The following CASQ2 variants were observed in gnomAD, a reference collection of about 807,000 sequenced individuals.
CASQ2 encodes calsequestrin-2.
Under a neutral mutation model 46.5 loss-of-function variants are expected in CASQ2, and 49 were observed. The ratio of observed to expected loss-of-function variants is 1.05; its 90% CI spans 0.84 to 1.34. CASQ2 has a LOEUF of 1.34. Among genes scored for constraint, CASQ2 ranks in the 40% most tolerant of loss-of-function variants. CASQ2 has a pLI of 0.00. For synonymous variants in CASQ2, 174 were observed against 168.5 expected, an observed-to-expected ratio of 1.03 and a Z score of -0.25; for missense variants, 486 against 481.3, an observed-to-expected ratio of 1.01 and a Z score of -0.09.
chr1:115,711,349 C>T (rs1654537371), intron 8 of CASQ2, among the ~76,000 whole-genome samples: 1 of 152,170 alleles, frequency 6.6e-6, no homozygotes, highest in Non-Finnish European at 1.5e-5. Flanking sequence ...CTAAAGAGGG[C>T]ACTGGGTCTG....
At chr1:115,721,625 G>T (rs1455498595) in intron 7 of CASQ2, among the ~76,000 whole-genome samples, 1 of 152,070 alleles carries the variant, frequency 6.6e-6, no homozygotes, top group African/African-American at 2.4e-5. Context: ...AGGTTGGAGT[G>T]CAGTGGCACA....
intron 5 of CASQ2, among the ~76,000 whole-genome samples, chr1:115,731,739 C>T (rs1647791103): frequency 6.6e-6 from 1 of 152,162 alleles, no homozygotes; most frequent in Non-Finnish European, 1.5e-5. Flanking sequence ...ATCACTTAAT[C>T]TTTCAGCACC....
chr1:115,717,075 C>T (rs768295396), intron 8 of CASQ2, among the ~76,000 whole-genome samples: 14 of 152,166 alleles, frequency 9.2e-5, no homozygotes, highest in Non-Finnish European at 2.1e-4. Flanking sequence ...CTTGGTCCTG[C>T]TCCTGCCATG....
intron 2 of CASQ2, 22 bp from the exon 3 acceptor site, chr1:115,740,850 A>C (rs1193274610): frequency 6.7e-7 from 1 of 1,494,790 alleles, no homozygotes; most frequent in Non-Finnish European, 9.3e-7. Flanking sequence ...AAAGAGGCCC[A>C]CAGAGAAGGT....
chr1:115,701,168 G>A lies in CASQ2; in HGVS notation c.*73C>T, dbSNP rs1451186170. ...GGCTGGGTGTGGGGCAGAATTGCTTGCTGCCACCTTGTGCTGTCTGTATGG... is the reference window on the plus strand; with the variant it reads ...GGCTGGGTGTGGGGCAGAATTGCTTACTGCCACCTTGTGCTGTCTGTATGG... On this transcript the variant is annotated 3_prime_UTR_variant, in exon 11 of 11. Coordinates refer to ENST00000261448, the MANE Select transcript of CASQ2 (RefSeq NM_001232.4). The A allele has an allele frequency of 1.2e-6, 2 of 1,611,560 alleles. No individual in the cohort carries two copies. Among genetic ancestry groups the A allele is most frequent in the East Asian group, 4.5e-5 (2 of 44,876 alleles).
At chr1:115,702,852 T>C (rs1654248202) in intron 10 of CASQ2, 69 bp downstream of exon 10, 14 of 1,204,118 alleles carry the variant, frequency 1.2e-5, no homozygotes. Flanking sequence ...GCTCTCACAA[T>C]CTAAGCTGTG....
At chr1:115,749,096 T>A (rs1648486292) in intron 1 of CASQ2, among the ~76,000 whole-genome samples, 1 of 152,226 alleles carries the variant, frequency 6.6e-6, no homozygotes, top group South Asian at 2.1e-4. Context: ...CAAAGTGATA[T>A]GACACAGTGC....
intron 5 of CASQ2, among the ~76,000 whole-genome samples, chr1:115,732,424 CCA>C (rs1465592664): frequency 1.3e-5 from 2 of 152,190 alleles, no homozygotes; most frequent in African/African-American, 2.4e-5. Context: ...CAATCTCATC[CCA>C]CCACGTCCCT....
At chr1:115,744,119 G>A (rs1648299275) in intron 2 of CASQ2, among the ~76,000 whole-genome samples, 1 of 149,820 alleles carries the variant, frequency 6.7e-6, no homozygotes, top group Non-Finnish European at 1.5e-5. Flanking sequence ...ACTCCAGCCT[G>A]GGTGACAGTG....
chr1:115,727,551 AT>A (rs1354896629), intron 5 of CASQ2, among the ~76,000 whole-genome samples: 1 of 152,234 alleles, frequency 6.6e-6, no homozygotes, highest in African/African-American at 2.4e-5. Context: ...CTTAAGGCAT[AT>A]AGGTACTCAG....
At chr1:115,730,798 C>G (rs963529362) in intron 5 of CASQ2, among the ~76,000 whole-genome samples, 1 of 152,160 alleles carries the variant, frequency 6.6e-6, no homozygotes, top group Non-Finnish European at 1.5e-5. Flanking sequence ...TTAGTGCTTT[C>G]TTGTCCCTTG....
Position 115,701,094 on chromosome 1 carries a change from CT to C in CASQ2, c.*146del. 5 of 1,238,538 alleles carry C rather than the reference CT, an allele frequency of 4.0e-6. No individual in the cohort carries two copies. The highest frequency in any genetic ancestry group is 5.9e-6 in the Non-Finnish European group (5 of 844,176). 76.7% of individuals were successfully genotyped at this position (1,238,538 alleles called of 1,614,324 possible). A position where few individuals can be genotyped will look rare whatever the true frequency, so the allele number is the denominator to read the frequency against. The stretch of plus-strand genomic sequence containing the variant: ...AGGCATTTGCTGAATGATGCTGCTC[CT>C]GACGCAAAGGGAGTGGGAAAAGAGA... On this transcript the variant is annotated 3_prime_UTR_variant, in exon 11 of 11. Transcript: ENST00000261448.
chr1:115,733,852 G>A (rs970990671), intron 4 of CASQ2, among the ~76,000 whole-genome samples: 1 of 152,178 alleles, frequency 6.6e-6, no homozygotes, highest in African/African-American at 2.4e-5. Flanking sequence ...ATAAGCCTTT[G>A]TTAGAATTCT....
intron 1 of CASQ2, among the ~76,000 whole-genome samples, chr1:115,753,100 G>T (rs1648637850): frequency 6.6e-6 from 1 of 152,208 alleles, no homozygotes; most frequent in African/African-American, 2.4e-5. Context: ...CAGAACTGGG[G>T]AAGCTTCTCA....
intron 5 of CASQ2, 31 bp from the exon 6 acceptor site, chr1:115,727,153 T>G: frequency 2.0e-6 from 3 of 1,523,082 alleles, no homozygotes; most frequent in Non-Finnish European, 2.7e-6. Flanking sequence ...ACAAAGTTTA[T>G]TTGAATACTA....
intron 10 of CASQ2, among the ~76,000 whole-genome samples, chr1:115,702,281 A>G (rs372717088): frequency 1.1e-4 from 16 of 152,150 alleles, no homozygotes; most frequent in African/African-American, 3.9e-4. Context: ...ATCCTCTGTG[A>G]TCATCCCTTT....
chr1:115,739,970 G>A (rs34569182), intron 3 of CASQ2, among the ~76,000 whole-genome samples: 9,102 of 152,202 alleles, frequency 0.06, 342 homozygotes, highest in Non-Finnish European at 0.09. Flanking sequence ...AGCACAGTGC[G>A]TCATGAGATG....
intron 1 of CASQ2, among the ~76,000 whole-genome samples, chr1:115,761,455 A>AAGG (rs1648941737): frequency 2.2e-4 from 3 of 13,398 alleles, no homozygotes; most frequent in Non-Finnish European, 3.2e-4. Context: ...GAAGAAGAAG[A>AAGG]AGAAGAAGGA....
intron 4 of CASQ2, 126 bp from the exon 5 acceptor site, chr1:115,733,100 T>C: frequency 3.1e-6 from 2 of 649,526 alleles, no homozygotes; most frequent in Non-Finnish European, 2.7e-6. Flanking sequence ...TAGTAGGTAT[T>C]GTTTACATAG....
Sources: allele counts gnomAD v4.1 joint callset (sites outside exome capture counted in the v4.1 genomes callset), GRCh38; gene constraint gnomAD v4.1.1; transcripts MANE v1.5; gene names NCBI Gene and HGNC (gene_info 2026-07-23, HGNC 2026-07-21).